Variants in ZNF804A observed in about 807,000 individuals in gnomAD.
ZNF804A encodes the protein zinc finger protein 804A.
A neutral mutation model predicts 16.5 loss-of-function variants in ZNF804A; 2 were observed. The ratio of observed to expected loss-of-function variants is 0.12; its 90% CI spans 0.05 to 0.38. The LOEUF (loss-of-function observed/expected upper bound fraction) is 0.38, where lower values mean the gene tolerates loss of function less well. Ranked by LOEUF, ZNF804A falls within the 10% of genes least tolerant of loss-of-function variation. ZNF804A has a pLI of 0.99. For synonymous variants in ZNF804A, 534 were observed against 489.6 expected (o/e 1.09, Z -1.20); for missense variants, 1,473 against 1,390.7 (o/e 1.06, Z -0.94).
At chr2:184,911,986 A>G (rs1685366689) in intron 2 of ZNF804A, among the ~76,000 whole-genome samples, 1 of 151,982 alleles carries the variant, frequency 6.6e-6, no homozygotes, top group Non-Finnish European at 1.5e-5. Flanking sequence ...AGATGAGAAA[A>G]TCAAAGCATT....
intron 1 of ZNF804A, among the ~76,000 whole-genome samples, chr2:184,681,446 G>C (rs568693254): frequency 2.5e-4 from 38 of 152,342 alleles, no homozygotes; most frequent in Non-Finnish European, 4.0e-4. Flanking sequence ...TTGTGCAAAA[G>C]TAGCATACTG....
chr2:184,938,350 A>T lies in ZNF804A; in HGVS notation c.2954A>T (p.Asn985Ile). 6.2e-7 allele frequency: 1 copy of T among 1,614,174 alleles called. No individual in the cohort carries two copies. The highest frequency in any genetic ancestry group is 1.3e-5 in the African/African-American group (1 of 75,056). Residue 985 changes from asparagine to isoleucine, a missense_variant, in exon 4 of 4, where the codon AAT (asparagine) becomes ATT (isoleucine). Physicochemically the swap from Asn to Ile is moderately radical, Grantham distance 149. Coordinates refer to ENST00000302277, the MANE Select transcript of ZNF804A (RefSeq NM_194250.2). ...GAGGCCCTTCCACAAGGAAAGATGA[A>T]TGAGACACCAACTGAGTGGCTGCGT... The part of the protein sequence containing the change: ...LAEALPQGKM[N>I]ETPTEWLRYN...
intron 2 of ZNF804A, among the ~76,000 whole-genome samples, chr2:184,869,727 T>A (rs1338672968): frequency 6.6e-6 from 1 of 152,030 alleles, no homozygotes; most frequent in Admixed American, 6.6e-5. Context: ...TCATGTAGGC[T>A]AATAGAGTCT....
intron 1 of ZNF804A, among the ~76,000 whole-genome samples, chr2:184,799,525 T>C (rs1274882136): frequency 2.0e-5 from 3 of 151,770 alleles, no homozygotes; most frequent in Non-Finnish European, 4.4e-5. Context: ...TATCTTCTAC[T>C]TCTTCTTTTT....
chr2:184,649,261 C>A (rs1161708824), intron 1 of ZNF804A, among the ~76,000 whole-genome samples: 1 of 152,004 alleles, frequency 6.6e-6, no homozygotes, highest in African/African-American at 2.4e-5. Flanking sequence ...ATACCAAACT[C>A]TGTGGGATGC....
chr2:184,933,151 A>G (rs1220797319), intron 2 of ZNF804A, among the ~76,000 whole-genome samples: 1 of 152,000 alleles, frequency 6.6e-6, no homozygotes, highest in Non-Finnish European at 1.5e-5. Flanking sequence ...ACGCACACAC[A>G]CACACACACA....
At chr2:184,879,998 T>C (rs1450977140) in intron 2 of ZNF804A, among the ~76,000 whole-genome samples, 1 of 152,060 alleles carries the variant, frequency 6.6e-6, no homozygotes, top group Non-Finnish European at 1.5e-5. Context: ...ATCAAAAATG[T>C]AGCAATTACA....
intron 1 of ZNF804A, among the ~76,000 whole-genome samples, chr2:184,784,066 G>C (rs1335200193): frequency 6.6e-6 from 1 of 151,802 alleles, no homozygotes; most frequent in Non-Finnish European, 1.5e-5. Context: ...CATCCAGTTT[G>C]GTTATCAGAA....
chr2:184,716,256 C>T (rs539804463), intron 1 of ZNF804A, among the ~76,000 whole-genome samples: 87 of 152,120 alleles, frequency 5.7e-4, no homozygotes, highest in Non-Finnish European at 1.1e-3. Context: ...GTAGTACTTT[C>T]TTCATGTATT....
intron 1 of ZNF804A, among the ~76,000 whole-genome samples, chr2:184,615,798 A>G (rs1303098879): frequency 6.6e-6 from 1 of 152,182 alleles, no homozygotes; most frequent in Non-Finnish European, 1.5e-5. Context: ...AGGATGGCAC[A>G]AAGACACAGG....
rs955839534 is a variant in ZNF804A, at chr2:184,770,527, G to A, written c.112-95842G>A. Reference sequence around the variant, plus strand: ...CCTATGTGAGTAGTTTACTCATTTAGCAAACATTTATGTTCTTTATGAAAC... The same window carrying A: ...CCTATGTGAGTAGTTTACTCATTTAACAAACATTTATGTTCTTTATGAAAC... On this transcript the variant is annotated intron_variant, in intron 1 of 3. Coordinates refer to ENST00000302277, the MANE Select transcript of ZNF804A (RefSeq NM_194250.2). Among the ~76,000 whole-genome samples, 4 of 138,046 alleles carry A rather than the reference G, an allele frequency of 2.9e-5. No individual in the cohort carries two copies. The East Asian group carries it at 7.7e-4, about 27-fold the overall frequency. The allele number at this position is 138,046 out of a possible 152,430, so 90.6% of individuals were successfully genotyped here. A position where few individuals can be genotyped will look rare whatever the true frequency, so the allele number is the denominator to read the frequency against.
At chr2:184,933,041 T>A (rs1553489962) in intron 2 of ZNF804A, among the ~76,000 whole-genome samples, 2 of 152,040 alleles carry the variant, frequency 1.3e-5, no homozygotes, top group Non-Finnish European at 2.9e-5. Flanking sequence ...TTAACATAAA[T>A]AATGTACTCT....
chr2:184,822,341 T>C (rs1159388692), intron 1 of ZNF804A, among the ~76,000 whole-genome samples: 1 of 152,182 alleles, frequency 6.6e-6, no homozygotes, highest in South Asian at 2.1e-4. Context: ...TTCTCAGTTG[T>C]AAGTGGGAAC....
At chr2:184,915,583 T>C (rs770108415) in intron 2 of ZNF804A, among the ~76,000 whole-genome samples, 6 of 152,128 alleles carry the variant, frequency 3.9e-5, no homozygotes, top group Non-Finnish European at 8.8e-5. Flanking sequence ...TCATGAGCAC[T>C]TACAATGCAT....
Position 184,599,028 on chromosome 2 carries a change from A to G in ZNF804A, c.69A>G (p.Gly23=). 1.2e-6 allele frequency: 2 copies of G among 1,613,984 alleles called. No individual in the cohort carries two copies. Among genetic ancestry groups the G allele is most frequent in the African/African-American group, 1.3e-5 (1 of 75,006 alleles). The change falls in exon 1 of 4, where the codon GGA becomes GGG. Residue 23 remains glycine, a synonymous_variant. Coordinates refer to ENST00000302277, the MANE Select transcript of ZNF804A (RefSeq NM_194250.2). ...ACGGACACTTTCGCAACATCAAGGG[A>G]GTTTTCCGGGGCCCTCTCAGCAAGA... ...LSNGHFRNIK[G]VFRGPLSKNG...
intron 1 of ZNF804A, among the ~76,000 whole-genome samples, chr2:184,804,897 T>C (rs1463305076): frequency 6.6e-6 from 1 of 152,172 alleles, no homozygotes; most frequent in Non-Finnish European, 1.5e-5. Context: ...CTTCTTTAAC[T>C]CCAGACAGAT....
intron 1 of ZNF804A, among the ~76,000 whole-genome samples, chr2:184,661,113 T>C (rs2105706285): frequency 6.6e-6 from 1 of 152,344 alleles, no homozygotes; most frequent in Non-Finnish European, 1.5e-5. Context: ...ATATATGAAA[T>C]TGGCATTTAG....
intron 1 of ZNF804A, among the ~76,000 whole-genome samples, chr2:184,723,698 CTGT>C: frequency 6.6e-6 from 1 of 151,698 alleles, no homozygotes; most frequent in East Asian, 1.9e-4. Context: ...ATATATTGGT[CTGT>C]TAAATGTATA....
intron 1 of ZNF804A, among the ~76,000 whole-genome samples, chr2:184,683,823 G>A (rs543948953): frequency 1.2e-3 from 189 of 152,142 alleles, no homozygotes; most frequent in Non-Finnish European, 2.0e-3. Context: ...TTCAATTTAT[G>A]TTGGTTGTAA....
Sources: allele counts gnomAD v4.1 joint callset (sites outside exome capture counted in the v4.1 genomes callset), GRCh38; gene constraint gnomAD v4.1.1; transcripts MANE v1.5; gene names NCBI Gene and HGNC (gene_info 2026-07-23, HGNC 2026-07-21).